Variants in CADM2 observed in about 807,000 individuals in gnomAD.
CADM2 encodes the protein cell adhesion molecule 2.
CADM2 carries 12 observed loss-of-function variants against 49.8 expected under a neutral mutation model. That is an observed-to-expected ratio of 0.24 (90% CI 0.15 to 0.39). The LOEUF (loss-of-function observed/expected upper bound fraction) is 0.39. CADM2 is among the 10% of genes least tolerant of loss of function. CADM2 has a pLI of 1.00. For synonymous variants in CADM2, 214 were observed against 175.4 expected (o/e 1.22, Z -1.74); for missense variants, 378 against 492.3 (o/e 0.77, Z 2.20).
chr3:85,541,967 C>T (rs968253007), intron 1 of CADM2, among the ~76,000 whole-genome samples: 7 of 151,648 alleles, frequency 4.6e-5, no homozygotes, highest in Non-Finnish European at 7.4e-5. Flanking sequence ...AGTCTTCTCT[C>T]ATGAAAATAT....
intron 1 of CADM2, among the ~76,000 whole-genome samples, chr3:85,650,073 C>T (rs1225667327): frequency 6.6e-6 from 1 of 152,074 alleles, no homozygotes; most frequent in Admixed American, 6.6e-5. Flanking sequence ...TTAAGGTGGT[C>T]ATTTTTTTGT....
rs9866291 is a variant in CADM2, at chr3:85,116,179, T to C, written c.61+156511T>C. ...CAGTCTCTACTAAAAATACAAAAATTAGCTGAGTGTGATGGCACATGCCTG... is the reference window on the plus strand; with the variant it reads ...CAGTCTCTACTAAAAATACAAAAATCAGCTGAGTGTGATGGCACATGCCTG... On this transcript the variant is annotated intron_variant, in intron 1 of 9. Transcript: ENST00000383699. Among the ~76,000 whole-genome samples the C allele has an allele frequency of 8.3e-3, 1,265 of 152,034 alleles. 14 individuals are homozygous for C. Among genetic ancestry groups the C allele is most frequent in the African/African-American group, 0.028 (1,157 of 41,450 alleles).
In CADM2 at chr3:85,823,580, T is replaced by G. The variant is rs866575314; in HGVS notation, c.238+21384T>G. ...TTGAGGAGCACTGTTATGTGGAAAGTAGAGATAATGTCTACTTTGCAGAGT... is the reference window on the plus strand; with the variant it reads ...TTGAGGAGCACTGTTATGTGGAAAGGAGAGATAATGTCTACTTTGCAGAGT... On this transcript the variant is annotated intron_variant, in intron 3 of 9. Coordinates refer to ENST00000383699, the MANE Select transcript of CADM2 (RefSeq NM_001167675.2). Among the ~76,000 whole-genome samples the G allele has an allele frequency of 3.3e-5, 5 of 152,270 alleles. No homozygotes were observed. In the South Asian group the frequency reaches 8.3e-4, roughly 25 times the overall value.
chr3:85,214,831 G>A (rs906768122), intron 1 of CADM2, among the ~76,000 whole-genome samples: 1 of 151,974 alleles, frequency 6.6e-6, no homozygotes, highest in African/African-American at 2.4e-5. Flanking sequence ...GCTGCCAGTC[G>A]TGAGTCCCTC....
At position 85,975,570 on chromosome 3, in the gene CADM2, A is replaced by G. The variant is rs552483278; in HGVS notation, c.970+13923A>G. 4.0e-5 allele frequency among the ~76,000 whole-genome samples: 6 copies of G among 151,660 alleles called. No individual in the cohort carries two copies. The South Asian group carries it at 1.2e-3, about 31-fold the overall frequency. On this transcript the variant is annotated intron_variant, in intron 8 of 9. Transcript: ENST00000383699. Reference sequence around the variant, plus strand: ...TATCTTTTTTATTAGAACATATTTTATCAATTGCTGACTCTTCACTCTTTA... The same window carrying G: ...TATCTTTTTTATTAGAACATATTTTGTCAATTGCTGACTCTTCACTCTTTA...
At chr3:85,192,863 A>G (rs1421019351) in intron 1 of CADM2, among the ~76,000 whole-genome samples, 7 of 152,058 alleles carry the variant, frequency 4.6e-5, no homozygotes, top group African/African-American at 1.7e-4. Context: ...TCCAAATTTG[A>G]CCAAGGTGAT....
chr3:85,299,689 A>G (rs2044048026), intron 1 of CADM2, among the ~76,000 whole-genome samples: 1 of 151,944 alleles, frequency 6.6e-6, no homozygotes, highest in Admixed American at 6.6e-5. Flanking sequence ...TGGGTTGTGG[A>G]GGGCTTTCAA....
chr3:85,529,884 T>C (rs2061258467), intron 1 of CADM2, among the ~76,000 whole-genome samples: 1 of 152,250 alleles, frequency 6.6e-6, no homozygotes, highest in South Asian at 2.1e-4. Flanking sequence ...ATCTTATAAA[T>C]TAAATCCCTC....
At chr3:85,252,736 C>T (rs1391249271) in intron 1 of CADM2, among the ~76,000 whole-genome samples, 1 of 151,954 alleles carries the variant, frequency 6.6e-6, no homozygotes, top group Non-Finnish European at 1.5e-5. Context: ...CCATGTCTAT[C>T]ACTGGAGATA....
chr3:85,086,176 T>C (rs1314271070), intron 1 of CADM2, among the ~76,000 whole-genome samples: 3 of 152,132 alleles, frequency 2.0e-5, no homozygotes, highest in Non-Finnish European at 4.4e-5. Context: ...AAGATACTGC[T>C]ACTAAAAATT....
chr3:85,299,338 GTATTTCGGGCTTTT>G (rs1271400588), intron 1 of CADM2, among the ~76,000 whole-genome samples: 2 of 151,980 alleles, frequency 1.3e-5, no homozygotes, highest in African/African-American at 4.8e-5. Context: ...ACATCATCAA[GTATTTCGGGCTTTT>G]TATCGTTTTT....
chr3:85,682,536 GAA>G (rs1189672874), intron 1 of CADM2, among the ~76,000 whole-genome samples: 1 of 152,070 alleles, frequency 6.6e-6, no homozygotes, highest in Non-Finnish European at 1.5e-5. Flanking sequence ...GCTCCAAACT[GAA>G]GTCAGAAACC....
rs554121055 is a variant in CADM2 at position 85,012,069 on chromosome 3, G to A, written c.61+52401G>A. The stretch of plus-strand genomic sequence containing the variant: ...AGCCATTGAGATATAATGGCGAAGG[G>A]CCTGGTTTTTTTTTTTTCTTTCATA... On this transcript the variant is annotated intron_variant, in intron 1 of 9. Coordinates refer to ENST00000383699, the MANE Select transcript of CADM2 (RefSeq NM_001167675.2). 1.4e-4 allele frequency among the ~76,000 whole-genome samples: 21 copies of A among 150,910 alleles called. No homozygotes were observed. In the South Asian group the frequency reaches 4.2e-3, roughly 30 times the overall value.
chr3:85,846,365 A>C (rs1446868750), intron 3 of CADM2, among the ~76,000 whole-genome samples: 1 of 152,164 alleles, frequency 6.6e-6, no homozygotes, highest in Non-Finnish European at 1.5e-5. Context: ...ACTGAGCAAC[A>C]GAGCTGTATA....
chr3:86,016,889 A>T (rs1732313667), intron 8 of CADM2, among the ~76,000 whole-genome samples: 1 of 152,190 alleles, frequency 6.6e-6, no homozygotes, highest in South Asian at 2.1e-4. Context: ...AACAACTTTA[A>T]ATTCAACAAA....
intron 1 of CADM2, among the ~76,000 whole-genome samples, chr3:85,520,272 A>G (rs1177796058): frequency 6.6e-6 from 1 of 151,882 alleles, no homozygotes; most frequent in Non-Finnish European, 1.5e-5. Flanking sequence ...ACAGATTATT[A>G]TATATTGTTT....
chr3:86,040,444 C>T (rs1302664430), intron 8 of CADM2, among the ~76,000 whole-genome samples: 1 of 152,120 alleles, frequency 6.6e-6, no homozygotes, highest in African/African-American at 2.4e-5. Context: ...ATGCACAAGC[C>T]TCAGTAGCTG....
chr3:85,145,671 A>G lies in CADM2; in HGVS notation c.61+186003A>G, dbSNP rs1575974612. Among the ~76,000 whole-genome samples the G allele has an allele frequency of 1.3e-5, 2 of 152,260 alleles. 1 individual carries two copies. Among genetic ancestry groups the G allele is most frequent in the East Asian group, 3.9e-4 (2 of 5,180 alleles). ...AAAAGAATCATCCCTGTCATGCTCA[A>G]TAATGTGGACAAATAGAAGTAATGG... On this transcript the variant is annotated intron_variant, in intron 1 of 9. Coordinates refer to ENST00000383699, the MANE Select transcript of CADM2 (RefSeq NM_001167675.2).
intron 1 of CADM2, among the ~76,000 whole-genome samples, chr3:85,222,235 G>A (rs1247259237): frequency 6.6e-6 from 1 of 152,156 alleles, no homozygotes; most frequent in African/African-American, 2.4e-5. Flanking sequence ...ATGGCTTGTG[G>A]CACTGTGTGC....
Sources: gnomAD v4.1 joint callset for allele counts (sites outside exome capture counted in the v4.1 genomes callset) on GRCh38, gnomAD v4.1.1 for gene constraint, MANE v1.5 for transcripts, NCBI Gene and HGNC (gene_info 2026-07-23, HGNC 2026-07-21) for gene names.